Variants in KIAA1217 observed in about 807,000 individuals in gnomAD.
The protein encoded by KIAA1217 is KIAA1217.
KIAA1217 carries 88 observed loss-of-function variants against 163.9 expected under a neutral mutation model. The observed-to-expected ratio is 0.54, with a 90% CI of 0.45 to 0.64. KIAA1217 has a LOEUF of 0.64. KIAA1217 is among the 30% of genes least tolerant of loss of function. KIAA1217 has a pLI of 0.00. For synonymous variants in KIAA1217, 903 were observed against 923.1 expected (o/e 0.98, Z 0.39); for missense variants, 2,372 against 2,475.0 (o/e 0.96, Z 0.88).
chr10:24,224,988 A>T (rs61241493), intron 2 of KIAA1217, among the ~76,000 whole-genome samples: 5 of 151,668 alleles, frequency 3.3e-5, no homozygotes, highest in Admixed American at 6.6e-5. Flanking sequence ...CACCACGCCT[A>T]GCTAATATTT....
intron 10 of KIAA1217, among the ~76,000 whole-genome samples, chr10:24,515,325 C>T (rs189624476): frequency 2.3e-3 from 351 of 152,268 alleles, no homozygotes; most frequent in Middle Eastern, 0.01. Flanking sequence ...GCCTCAGCCT[C>T]CCAAAGTGTT....
In KIAA1217 at chr10:24,290,901, C is replaced by T. The variant is rs532794545; in HGVS notation, c.354+70992C>T. On this transcript the variant is annotated intron_variant, in intron 2 of 20. Transcript: ENST00000376454. ...ACAGGCATGATCCACCGTGCCTGGC[C>T]ATGAAGTCTCTCTTAAGACCTTTTA... Among the ~76,000 whole-genome samples, 4 of 152,270 alleles carry T rather than the reference C, an allele frequency of 2.6e-5. No homozygotes were observed. In the South Asian group the frequency reaches 8.3e-4, roughly 32 times the overall value.
chr10:24,003,391 T>C (rs1247540111), intron 1 of KIAA1217, among the ~76,000 whole-genome samples: 2 of 152,188 alleles, frequency 1.3e-5, no homozygotes. Context: ...GTGGTTTTAA[T>C]TTGCATTTCA....
At chr10:24,174,288 T>C (rs2065767354) in intron 2 of KIAA1217, among the ~76,000 whole-genome samples, 1 of 152,254 alleles carries the variant, frequency 6.6e-6, no homozygotes, top group African/African-American at 2.4e-5. Context: ...CCTTGCCACC[T>C]GGGCAGCTTG....
At position 23,803,393 on chromosome 10, in the gene KIAA1217, C is replaced by T. The variant is rs142458578; in HGVS notation, c.-321+108159C>T. Among the ~76,000 whole-genome samples, 766 of 152,356 alleles carry T rather than the reference C, an allele frequency of 5.0e-3. 5 individuals are homozygous for T. Among genetic ancestry groups the T allele is most frequent in the Middle Eastern group, 0.02 (6 of 294 alleles). On this transcript the variant is annotated intron_variant, in intron 1 of 18. Transcript: ENST00000376462. ...TATGCCCCACACCAGGGGCAGCCCC[C>T]GTCCTATGACCGCTCAAGGCAGGGT...
intron 2 of KIAA1217, among the ~76,000 whole-genome samples, chr10:24,231,355 A>G (rs1167887519): frequency 6.6e-6 from 1 of 152,208 alleles, no homozygotes; most frequent in Admixed American, 6.5e-5. Context: ...AGTTGCATAC[A>G]TAGTGGTGAG....
chr10:23,843,310 C>A (rs1280234919), intron 1 of KIAA1217, among the ~76,000 whole-genome samples: 1 of 152,164 alleles, frequency 6.6e-6, no homozygotes, highest in Non-Finnish European at 1.5e-5. Context: ...GTCCTACCCC[C>A]AAAGTGGGTT....
chr10:23,711,563 AG>A (rs1401068096), intron 1 of KIAA1217, among the ~76,000 whole-genome samples: 6 of 152,310 alleles, frequency 3.9e-5, no homozygotes, highest in African/African-American at 1.4e-4. Context: ...CTTTTGAGCT[AG>A]TAAGTGTGTG....
chr10:24,117,438 G>A (rs1249657726), intron 2 of KIAA1217, among the ~76,000 whole-genome samples: 3 of 152,042 alleles, frequency 2.0e-5, no homozygotes, highest in Non-Finnish European at 4.4e-5. Context: ...CCAGGAGGTC[G>A]AGACCAGCCT....
intron 2 of KIAA1217, among the ~76,000 whole-genome samples, chr10:24,130,869 A>G (rs911781922): frequency 2.0e-5 from 3 of 152,214 alleles, no homozygotes; most frequent in Non-Finnish European, 4.4e-5. Context: ...TCAAAGGCCA[A>G]TTGGTAGACA....
At chr10:24,319,159 C>T (rs888579293) in intron 2 of KIAA1217, among the ~76,000 whole-genome samples, 6 of 152,134 alleles carry the variant, frequency 3.9e-5, no homozygotes, top group African/African-American at 1.4e-4. Context: ...GGGCAGATCA[C>T]CTGAGGTCAG....
chr10:24,466,293 C>T (rs2062940434), intron 5 of KIAA1217, among the ~76,000 whole-genome samples: 1 of 150,022 alleles, frequency 6.7e-6, no homozygotes, highest in African/African-American at 2.5e-5. Context: ...GTTGTTTGCC[C>T]TTTCTAATGA....
chr10:24,383,376 A>G (rs2053574003), intron 3 of KIAA1217, among the ~76,000 whole-genome samples: 1 of 152,226 alleles, frequency 6.6e-6, no homozygotes, highest in Admixed American at 6.5e-5. Flanking sequence ...TTTCCTCTGC[A>G]GCCAAGAACG....
At chr10:23,758,557 TG>T (rs974827654) in intron 1 of KIAA1217, among the ~76,000 whole-genome samples, 23 of 152,052 alleles carry the variant, frequency 1.5e-4, no homozygotes. Flanking sequence ...ACATGAATTT[TG>T]GGGTGGGTTT....
intron 1 of KIAA1217, among the ~76,000 whole-genome samples, chr10:23,934,727 C>G (rs1005167522): frequency 2.0e-5 from 3 of 149,132 alleles, no homozygotes; most frequent in African/African-American, 7.5e-5. Context: ...ACGCCATTCT[C>G]CTGCCTCAGC....
At chr10:24,067,414 A>G (rs1445924453) in intron 2 of KIAA1217, among the ~76,000 whole-genome samples, 1 of 152,124 alleles carries the variant, frequency 6.6e-6, no homozygotes, top group African/African-American at 2.4e-5. Flanking sequence ...TCCACTCCAG[A>G]CCCTGTTTGC....
At chr10:23,759,726 C>CATCG (rs2130854068) in intron 1 of KIAA1217, among the ~76,000 whole-genome samples, 1 of 152,298 alleles carries the variant, frequency 6.6e-6, no homozygotes, top group Admixed American at 6.5e-5. Flanking sequence ...GTCTGACAGA[C>CATCG]TTTGGGCTGA....
chr10:23,997,382 A>G (rs1036700144), intron 1 of KIAA1217, among the ~76,000 whole-genome samples: 1 of 152,234 alleles, frequency 6.6e-6, no homozygotes, highest in African/African-American at 2.4e-5. Flanking sequence ...TCCATGTTCA[A>G]TAAAGAGCTT....
chr10:24,256,046 CAAAAAAAAAAAAA>C (rs11358712), intron 2 of KIAA1217, among the ~76,000 whole-genome samples: 9 of 79,102 alleles, frequency 1.1e-4, no homozygotes, highest in Non-Finnish European at 1.2e-4. Flanking sequence ...CTCAGATGAC[CAAAAAAAAAAAAA>C]AAAAAAAAAA....
Sources: allele counts gnomAD v4.1 joint callset (sites outside exome capture counted in the v4.1 genomes callset), GRCh38; gene constraint gnomAD v4.1.1; transcripts MANE v1.5; gene names NCBI Gene and HGNC (gene_info 2026-07-23, HGNC 2026-07-21).